CA3: variants seen among roughly 807,000 people sequenced by gnomAD.
CA3 encodes CA-III.
Under a neutral mutation model 35.7 loss-of-function variants are expected in CA3, and 30 were observed. That is an observed-to-expected ratio of 0.84 (90% CI 0.63 to 1.14). CA3 has a LOEUF of 1.14. CA3 is among the 50% of genes most tolerant of loss of function. CA3 has a pLI of 0.00. For missense variants in CA3, 295 were observed against 328.5 expected (o/e 0.90, Z 0.79); for synonymous variants, 131 against 130.8 (o/e 1.00, Z -0.01).
chr8:85,447,339 C>T (rs1811306039), intron 6 of CA3, among the ~76,000 whole-genome samples: 1 of 152,086 alleles, frequency 6.6e-6, no homozygotes, highest in African/African-American at 2.4e-5. Context: ...TAATAAAGGT[C>T]TACTACATTT....
At chr8:85,443,585 A>G (rs1272836305) in intron 3 of CA3, among the ~76,000 whole-genome samples, 2 of 152,230 alleles carry the variant, frequency 1.3e-5, no homozygotes, top group South Asian at 2.1e-4. Flanking sequence ...TTCCCCAACC[A>G]AATGGGGAAA....
At chr8:85,447,613 T>C (rs1811309568) in intron 6 of CA3, among the ~76,000 whole-genome samples, 1 of 152,200 alleles carries the variant, frequency 6.6e-6, no homozygotes, top group Admixed American at 6.5e-5. Flanking sequence ...AACACCAGTA[T>C]TGGCCAGGCA....
chr8:85,442,936 T>C (rs777768987), intron 3 of CA3, among the ~76,000 whole-genome samples: 4 of 152,190 alleles, frequency 2.6e-5, no homozygotes, highest in Non-Finnish European at 5.9e-5. Context: ...GTGCTAGTGC[T>C]CTACCTGATA....
At chr8:85,446,115 C>T (rs1358696199) in intron 5 of CA3, 27 bp from the exon 6 acceptor site, 5 of 1,578,146 alleles carry the variant, frequency 3.2e-6, no homozygotes, top group Non-Finnish European at 4.3e-6. Flanking sequence ...CATGCACTCA[C>T]TGCACCTGCA....
At chr8:85,445,764 T>C (rs1811279890) in intron 5 of CA3, among the ~76,000 whole-genome samples, 2 of 152,182 alleles carry the variant, frequency 1.3e-5, no homozygotes, top group Non-Finnish European at 2.9e-5. Context: ...TCCAAGTAGA[T>C]CATTCAATAA....
intron 2 of CA3, chr8:85,441,863 A>G: frequency 3.7e-6 from 2 of 541,190 alleles, no homozygotes; most frequent in South Asian, 2.5e-5. Context: ...AGCAAACAAA[A>G]TAAGAAAGAC....
At chr8:85,440,626 G>A (rs181808118) in intron 2 of CA3, among the ~76,000 whole-genome samples, 21 of 152,212 alleles carry the variant, frequency 1.4e-4, no homozygotes, top group Non-Finnish European at 2.4e-4. Flanking sequence ...TTTATTTCAC[G>A]ATAAATGAGG....
Position 85,438,940 on chromosome 8 carries a change from A to T in CA3, c.31A>T (p.Asn11Tyr), listed in dbSNP as rs756089451. Residue 11 changes from asparagine (N) to tyrosine (Y), a missense_variant, in exon 1 of 7, where the codon AAC (asparagine) becomes TAC (tyrosine). Physicochemically the swap from Asn to Tyr is moderately radical, Grantham distance 143. Coordinates refer to ENST00000285381, the MANE Select transcript of CA3 (RefSeq NM_005181.4). ...CAAGGAGTGGGGCTACGCCAGTCAC[A>T]ACGGTGAGTGCAGGCAGCCGCGACC... MAKEWGYASHNGPDHWHELFP... is the reference protein window; with the variant it reads MAKEWGYASHYGPDHWHELFP... 3.2e-6 allele frequency: 5 copies of T among 1,551,118 alleles called. No individual in the cohort carries two copies. The African/African-American group carries it at 5.5e-5, about 17-fold the overall frequency.
At chr8:85,445,326 G>T in intron 5 of CA3, 108 bp downstream of exon 5, 2 of 659,204 alleles carry the variant, frequency 3.0e-6, no homozygotes, top group Non-Finnish European at 2.6e-6. Flanking sequence ...AAGTTTGATG[G>T]ATATGCTAAG....
Position 85,445,503 on chromosome 8 carries a change from A to AACACACACAC in CA3, c.507+318_507+327dup, listed in dbSNP as rs766933947. Among the ~76,000 whole-genome samples, 13 of 123,338 alleles carry AACACACACAC rather than the reference A, an allele frequency of 1.1e-4. No individual in the cohort carries two copies. The South Asian group carries it at 1.1e-3, about 10-fold the overall frequency. The allele number at this position is 123,338 out of a possible 152,430, so 80.9% of individuals were successfully genotyped here. Reference sequence around the variant, plus strand: ...TTGAGTGGTCACCGCATCCTCGCCCAACACACACACACACACACACACACA... The same window carrying AACACACACAC: ...TTGAGTGGTCACCGCATCCTCGCCCAACACACACACACACACACACACACACACACACACA... On this transcript the variant is annotated intron_variant, in intron 5 of 6. Coordinates refer to ENST00000285381, the MANE Select transcript of CA3 (RefSeq NM_005181.4).
At chr8:85,444,013 A>T in intron 3 of CA3, 21 bp from the exon 4 acceptor site, 1 of 1,505,640 alleles carries the variant, frequency 6.6e-7, no homozygotes, top group Non-Finnish European at 9.3e-7. Context: ...TTACCTTCTA[A>T]TCTGTCTTCT....
In CA3 at chr8:85,448,336, C is replaced by A; in HGVS notation, c.*183C>A. The A allele has an allele frequency of 2.1e-6, 1 of 475,744 alleles. No individual in the cohort carries two copies. Among genetic ancestry groups the A allele is most frequent in the Non-Finnish European group, 3.6e-6 (1 of 281,578 alleles). The allele number at this position is 475,744 out of a possible 1,614,324, so 29.5% of individuals were successfully genotyped here. On this transcript the variant is annotated 3_prime_UTR_variant, in exon 7 of 7. Transcript: ENST00000285381. Reference sequence around the variant, plus strand: ...GAAAGAAAGTTACTTTCGACAAGATCTAATATGAAAGCATAGATTTCACAT... The same window carrying A: ...GAAAGAAAGTTACTTTCGACAAGATATAATATGAAAGCATAGATTTCACAT...
intron 2 of CA3, 136 bp from the exon 3 acceptor site, chr8:85,441,937 C>T: frequency 1.5e-6 from 1 of 667,914 alleles, no homozygotes; most frequent in East Asian, 2.5e-5. Flanking sequence ...GTCCAGTGTC[C>T]TGGGAGTGGC....
chr8:85,447,696 G>A (rs1028956433), intron 6 of CA3, among the ~76,000 whole-genome samples: 4 of 152,124 alleles, frequency 2.6e-5, no homozygotes, highest in Non-Finnish European at 5.9e-5. Flanking sequence ...TCAGGAGTTC[G>A]AGACCAGCCT....
intron 6 of CA3, among the ~76,000 whole-genome samples, chr8:85,446,644 C>G (rs1811296660): frequency 6.6e-6 from 1 of 152,186 alleles, no homozygotes; most frequent in Non-Finnish European, 1.5e-5. Flanking sequence ...ATGATAAATA[C>G]AGACCTGGAG....
At chr8:85,441,952 T>C in intron 2 of CA3, 121 bp from the exon 3 acceptor site, 1 of 700,770 alleles carries the variant, frequency 1.4e-6, no homozygotes, top group South Asian at 1.6e-5. Context: ...AGTGGCACCA[T>C]CCACCCAGCA....
chr8:85,446,412 C>T (rs1586000773), intron 6 of CA3, 115 bp downstream of exon 6: 1 of 1,191,904 alleles, frequency 8.4e-7, no homozygotes, highest in East Asian at 2.5e-5. Context: ...GCTCTATGGC[C>T]AGTAATTTCA....
At chr8:85,447,133 G>A (rs1320401053) in intron 6 of CA3, among the ~76,000 whole-genome samples, 1 of 147,016 alleles carries the variant, frequency 6.8e-6, no homozygotes, top group Admixed American at 6.6e-5. Context: ...ACCTTGTTCA[G>A]TGATATAACT....
chr8:85,447,863 G>A (rs1156233067), intron 6 of CA3, among the ~76,000 whole-genome samples, 171 bp from the exon 7 acceptor site: 1 of 152,106 alleles, frequency 6.6e-6, no homozygotes, highest in East Asian at 1.9e-4. Context: ...TCACACCACT[G>A]CACTCCAGCC....
Sources: allele counts gnomAD v4.1 joint callset (sites outside exome capture counted in the v4.1 genomes callset), GRCh38; gene constraint gnomAD v4.1.1; transcripts MANE v1.5; gene names NCBI Gene and HGNC (gene_info 2026-07-23, HGNC 2026-07-21).